USP7: variants seen among roughly 807,000 people sequenced by gnomAD.
USP7 encodes ubiquitin specific peptidase 7, also known as ubiquitin C-terminal hydrolase 7.
USP7 carries 9 observed loss-of-function variants against 162.9 expected under a neutral mutation model. That is an observed-to-expected ratio of 0.06 (90% CI 0.03 to 0.10). USP7 has a LOEUF of 0.10. USP7 is among the 10% of genes least tolerant of loss of function. The probability of loss-of-function intolerance (pLI) is 1.00; values close to 1 mark genes in which losing one functional copy is unlikely to be tolerated. For missense variants in USP7, 715 were observed against 1,373.7 expected (o/e 0.52, Z 7.58); for synonymous variants, 562 against 475.9 (o/e 1.18, Z -2.35).
chr16:8,947,390 C>T (rs953885728), intron 1 of USP7, among the ~76,000 whole-genome samples: 1 of 152,062 alleles, frequency 6.6e-6, no homozygotes, highest in Admixed American at 6.6e-5. Flanking sequence ...CTCTTATCAC[C>T]CAGGCCGAAG....
intron 12 of USP7, among the ~76,000 whole-genome samples, chr16:8,907,249 C>T (rs935594976): frequency 1.3e-5 from 2 of 152,176 alleles, no homozygotes; most frequent in Admixed American, 1.3e-4. Flanking sequence ...CTGGCTCCAA[C>T]AAAAATAAAA....
intron 1 of USP7, among the ~76,000 whole-genome samples, chr16:8,942,895 T>C (rs1185275403): frequency 6.6e-6 from 1 of 152,150 alleles, no homozygotes; most frequent in Non-Finnish European, 1.5e-5. Flanking sequence ...TGCACCCTCA[T>C]TAGGCTGGCT....
Position 8,899,141 on chromosome 16 carries a change from C to T in USP7, c.2511G>A (p.Leu837=), listed in dbSNP as rs374486766. 2 of 1,614,170 alleles carry T rather than the reference C, an allele frequency of 1.2e-6. No homozygotes were observed. Among genetic ancestry groups the T allele is most frequent in the Admixed American group, 1.7e-5 (1 of 60,026 alleles). Residue 837 remains leucine (L), a synonymous_variant, in exon 23 of 31, where the codon CTG becomes CTA. Transcript: ENST00000344836. ...CCTACCCTTGAGACTTGAAAAACTG[C>T]AGCAACATTGGATCTGTGTTGAGCC... is the stretch of plus-strand genomic sequence containing the variant. ...AQRLNTDPML[L]QFFKSQGYRD... is the part of the protein sequence containing the mutation.
chr16:8,948,079 G>C (rs1358164776), intron 1 of USP7, among the ~76,000 whole-genome samples: 1 of 152,204 alleles, frequency 6.6e-6, no homozygotes, highest in East Asian at 1.9e-4. Context: ...ACGTCAGTCA[G>C]CTCCAGCACC....
intron 21 of USP7, chr16:8,899,970 G>C (rs1387772350): frequency 1.6e-6 from 1 of 621,236 alleles, no homozygotes; most frequent in Non-Finnish European, 2.8e-6. Context: ...GCGCAATGTA[G>C]TGGCTTTACA....
chr16:8,905,144 G>T, intron 14 of USP7, 43 bp downstream of exon 14: 1 of 1,596,826 alleles, frequency 6.3e-7, no homozygotes, highest in Non-Finnish European at 8.6e-7. Flanking sequence ...AAATGTCCAA[G>T]TCCACCACAG....
At chr16:8,900,934 A>T (rs1410289163) in intron 20 of USP7, 56 bp downstream of exon 20, 11 of 1,574,712 alleles carry the variant, frequency 7.0e-6, no homozygotes, top group Middle Eastern at 2.1e-4. Context: ...GAACAAACAA[A>T]ACCCTCCACA....
chr16:8,917,712 G>C (rs920654911), intron 6 of USP7, among the ~76,000 whole-genome samples: 4 of 151,914 alleles, frequency 2.6e-5, no homozygotes. Context: ...AGATAATACA[G>C]AAAAAGTAAA....
chr16:8,945,467 G>C (rs1218444082), intron 1 of USP7, among the ~76,000 whole-genome samples: 1 of 152,194 alleles, frequency 6.6e-6, no homozygotes, highest in Non-Finnish European at 1.5e-5. Context: ...TCATGGGTTA[G>C]TGGGGGCTTT....
chr16:8,963,044 G>T, intron 1 of USP7, 163 bp downstream of exon 1: 1 of 500,224 alleles, frequency 2.0e-6, no homozygotes, highest in Non-Finnish European at 2.7e-6. Context: ...GACCCGGCAT[G>T]ACTTTGCAGC....
At chr16:8,947,096 T>C (rs1899317944) in intron 1 of USP7, among the ~76,000 whole-genome samples, 1 of 152,218 alleles carries the variant, frequency 6.6e-6, no homozygotes, top group Non-Finnish European at 1.5e-5. Context: ...TCCTGTTTTT[T>C]TCAGTATATC....
chr16:8,926,183 A>G (rs1489188248), intron 2 of USP7, among the ~76,000 whole-genome samples: 1 of 151,482 alleles, frequency 6.6e-6, no homozygotes, highest in African/African-American at 2.4e-5. Flanking sequence ...ATTTCACTAA[A>G]AAACAAAAGG....
At chr16:8,938,473 G>A (rs1017725205) in intron 1 of USP7, among the ~76,000 whole-genome samples, 3 of 152,158 alleles carry the variant, frequency 2.0e-5, no homozygotes, top group Non-Finnish European at 4.4e-5. Flanking sequence ...AGCACTGTAG[G>A]AGGCCGAGGC....
intron 1 of USP7, among the ~76,000 whole-genome samples, chr16:8,952,770 A>T (rs1038438015): frequency 6.6e-6 from 1 of 151,948 alleles, no homozygotes; most frequent in African/African-American, 2.4e-5. Flanking sequence ...CTAAACCTCT[A>T]GTCACAGAGT....
chr16:8,923,062 TTGGATATTATACATATACCAG>T (rs1897788457), intron 3 of USP7, among the ~76,000 whole-genome samples, 132 bp downstream of exon 3: 1 of 152,234 alleles, frequency 6.6e-6, no homozygotes, highest in Non-Finnish European at 1.5e-5. Flanking sequence ...CTTTTCTAGC[TTGGATATTATACATATACCAG>T]TGGGTTTTAA....
At position 8,908,368 on chromosome 16, in the gene USP7, G is replaced by A; in HGVS notation, c.1244C>T (p.Thr415Met). Residue 415 changes from threonine (T) to methionine (M), a missense_variant, in exon 12 of 31, where the codon ACG becomes ATG. Physicochemically the swap from Thr to Met is moderately conservative, Grantham distance 81 (BLOSUM62 -1). Coordinates refer to ENST00000344836, the MANE Select transcript of USP7 (RefSeq NM_003470.3). ...ATCATTGATCTTGATATTTTGGTCC[G>A]TCTGAGGGTCATACATAAATCTCAT... ...QLMRFMYDPQ[T>M]DQNIKINDRF... 1 of 1,613,900 alleles carries A rather than the reference G, an allele frequency of 6.2e-7. No homozygotes were observed. The highest frequency in any genetic ancestry group is 8.5e-7 in the Non-Finnish European group (1 of 1,179,902).
chr16:8,936,480 G>A (rs1898731991), intron 1 of USP7: 4 of 1,246,302 alleles, frequency 3.2e-6, no homozygotes, highest in Non-Finnish European at 4.2e-6. Context: ...ATGTCTAGAT[G>A]TATAGCCCCA....
chr16:8,945,684 C>T (rs1402780291), intron 1 of USP7, among the ~76,000 whole-genome samples: 2 of 152,098 alleles, frequency 1.3e-5, no homozygotes, highest in Non-Finnish European at 2.9e-5. Context: ...CAGGATTTTT[C>T]ATAGCTAAGG....
chr16:8,925,914 G>T (rs113975818), intron 2 of USP7, among the ~76,000 whole-genome samples: 2,827 of 152,276 alleles, frequency 0.019, 58 homozygotes, highest in East Asian at 0.071. Context: ...CAGCACTTTG[G>T]GAGGCAGAGG....
Sources: gnomAD v4.1 joint callset for allele counts (sites outside exome capture counted in the v4.1 genomes callset) on GRCh38, gnomAD v4.1.1 for gene constraint, MANE v1.5 for transcripts, NCBI Gene and HGNC (gene_info 2026-07-23, HGNC 2026-07-21) for gene names.